KPNA3: variants seen among roughly 807,000 people sequenced by gnomAD.
KPNA3 encodes karyopherin subunit alpha 3, also known as importin subunit alpha-4.
A neutral mutation model predicts 73.8 loss-of-function variants in KPNA3; 13 were observed. The ratio of observed to expected loss-of-function variants is 0.18; its 90% confidence interval spans 0.11 to 0.28. KPNA3 has a LOEUF of 0.28. KPNA3 is among the 10% of genes least tolerant of loss of function. The probability of loss-of-function intolerance (pLI) is 1.00; values close to 1 mark genes in which losing one functional copy is unlikely to be tolerated. For missense variants in KPNA3, 360 were observed against 618.1 expected, an observed-to-expected ratio of 0.58 and a Z score of 4.43; for synonymous variants, 186 against 206.9, an observed-to-expected ratio of 0.90 and a Z score of 0.87.
intron 1 of KPNA3, among the ~76,000 whole-genome samples, chr13:49,762,142 C>G (rs796591565): frequency 2.6e-5 from 3 of 117,536 alleles, no homozygotes; most frequent in African/African-American, 8.2e-5. Context: ...CCTCCCCGTC[C>G]GGGAGGGAGG....
chr13:49,724,016 G>A (rs1954385533), intron 7 of KPNA3, among the ~76,000 whole-genome samples: 1 of 152,094 alleles, frequency 6.6e-6, no homozygotes, highest in African/African-American at 2.4e-5. Context: ...TGCCTATTCT[G>A]GACATTTCAT....
chr13:49,709,752 T>G lies in KPNA3; in HGVS notation c.904-52A>C, dbSNP rs759708087. The G allele has an allele frequency of 7.8e-6, 12 of 1,531,234 alleles. No homozygotes were observed. In the South Asian group the frequency reaches 1.1e-4, roughly 14 times the overall value. The allele number at this position is 1,531,234 out of a possible 1,614,324, so 94.9% of individuals were successfully genotyped here. ...TAAATTTATTTGCTTATAAGACTAA[T>G]TCTATATTTTTCATAATCCTGAGAA... On this transcript the variant is annotated intron_variant, in intron 11 of 16. Coordinates refer to ENST00000261667, the MANE Select transcript of KPNA3 (RefSeq NM_002267.4).
intron 7 of KPNA3, among the ~76,000 whole-genome samples, chr13:49,723,455 AG>A (rs1252114177): frequency 6.6e-6 from 1 of 152,072 alleles, no homozygotes; most frequent in Non-Finnish European, 1.5e-5. Context: ...CTGTAATCCC[AG>A]CTACTTTGGA....
rs1594425934 is a variant in KPNA3, at chr13:49,702,467, A to G, written c.1386T>C (p.Ile462=). Reference sequence around the variant, plus strand: ...CATTTTCATGTTGCTGTAAAACTTCAATTTTCTCCAAACCTGGTAAAAATA... The same window carrying G: ...CATTTTCATGTTGCTGTAAAACTTCGATTTTCTCCAAACCTGGTAAAAATA... ...IIEECGGLEK[I]EVLQQHENED... is the part of the protein sequence containing the mutation. The change falls in exon 16 of 17, where the codon ATT becomes ATC. Residue 462 remains isoleucine, a synonymous_variant. Coordinates refer to ENST00000261667, the MANE Select transcript of KPNA3 (RefSeq NM_002267.4). 1.3e-6 allele frequency: 2 copies of G among 1,529,488 alleles called. No individual in the cohort carries two copies. The highest frequency in any genetic ancestry group is 2.3e-5 in the South Asian group (2 of 86,492). The allele number at this position is 1,529,488 out of a possible 1,614,324, so 94.7% of individuals were successfully genotyped here.
At chr13:49,724,623 G>T (rs1247334893) in intron 7 of KPNA3, among the ~76,000 whole-genome samples, 1 of 151,146 alleles carries the variant, frequency 6.6e-6, no homozygotes, top group East Asian at 2.0e-4. Flanking sequence ...TTTGAGATAG[G>T]GTCTCACTCT....
In KPNA3 at chr13:49,730,519, C is replaced by CAAAAAAAAAAAAAAAAAAAAAAAAAA. The variant is rs55725741; in HGVS notation, c.383+1826_383+1851dup. On this transcript the variant is annotated intron_variant, in intron 6 of 16. Transcript: ENST00000261667. ...TGGGCAACAGAGCGAGACTCTGTCT[C>CAAAAAAAAAAAAAAAAAAAAAAAAAA]AAAAAAAAAAAAAAAAAAAAAAAAA... Among the ~76,000 whole-genome samples, 5 of 27,280 alleles carry CAAAAAAAAAAAAAAAAAAAAAAAAAA rather than the reference C, an allele frequency of 1.8e-4. 1 individual carries two copies. Among genetic ancestry groups the CAAAAAAAAAAAAAAAAAAAAAAAAAA allele is most frequent in the Non-Finnish European group, 2.5e-4 (4 of 15,770 alleles). 17.9% of individuals were successfully genotyped at this position (27,280 alleles called of 152,430 possible).
chr13:49,747,897 C>T (rs550209337), intron 1 of KPNA3, among the ~76,000 whole-genome samples: 220 of 152,208 alleles, frequency 1.4e-3, no homozygotes, highest in African/African-American at 4.7e-3. Flanking sequence ...TCCTTCCCAT[C>T]CTGTAGTCTT....
intron 1 of KPNA3, among the ~76,000 whole-genome samples, chr13:49,774,481 T>C (rs373286291): frequency 6.6e-6 from 1 of 152,184 alleles, no homozygotes; most frequent in South Asian, 2.1e-4. Flanking sequence ...CTCTGCCTTT[T>C]AGACAAGAGA....
At chr13:49,710,212 A>C (rs1954247491) in intron 11 of KPNA3, among the ~76,000 whole-genome samples, 1 of 152,228 alleles carries the variant, frequency 6.6e-6, no homozygotes, top group Non-Finnish European at 1.5e-5. Flanking sequence ...CGGTGAGCAG[A>C]GATCGCGCCA....
chr13:49,786,429 G>T (rs1954983044), intron 1 of KPNA3, among the ~76,000 whole-genome samples: 1 of 152,178 alleles, frequency 6.6e-6, no homozygotes, highest in Admixed American at 6.5e-5. Context: ...AGGAGGAAAA[G>T]AATAGGGACT....
At chr13:49,726,368 G>A (rs1315303147) in intron 6 of KPNA3, among the ~76,000 whole-genome samples, 1 of 152,158 alleles carries the variant, frequency 6.6e-6, no homozygotes, top group Non-Finnish European at 1.5e-5. Flanking sequence ...TTTCAAAGAT[G>A]GATTTAAAAA....
chr13:49,751,569 C>A (rs1954663660), intron 1 of KPNA3, among the ~76,000 whole-genome samples: 1 of 152,148 alleles, frequency 6.6e-6, no homozygotes. Context: ...CCCTGCCCCA[C>A]ACAAAAAATG....
intron 10 of KPNA3, 21 bp from the exon 11 acceptor site, chr13:49,711,043 A>G: frequency 6.3e-7 from 1 of 1,592,768 alleles, no homozygotes; most frequent in Non-Finnish European, 8.5e-7. Flanking sequence ...CACAAAAGAA[A>G]AACCATTTTA....
chr13:49,721,866 A>G, intron 9 of KPNA3, 89 bp downstream of exon 9: 2 of 814,768 alleles, frequency 2.5e-6, no homozygotes, highest in Non-Finnish European at 3.7e-6. Flanking sequence ...TGAAATCAGT[A>G]TATGTATTAT....
At chr13:49,785,632 T>C (rs961110904) in intron 1 of KPNA3, among the ~76,000 whole-genome samples, 1 of 151,974 alleles carries the variant, frequency 6.6e-6, no homozygotes, top group African/African-American at 2.4e-5. Context: ...AAAAGAATCG[T>C]AGACAGAATC....
At position 49,792,572 on chromosome 13, in the gene KPNA3, G is replaced by C. The variant is rs1313427228; in HGVS notation, c.-66C>G. ...GGCGGCGGCGGCGGCGAATCTTGGAGCGGGAGGGGGAGGAGGGGGAGAGCG... is the reference window on the plus strand; with the variant it reads ...GGCGGCGGCGGCGGCGAATCTTGGACCGGGAGGGGGAGGAGGGGGAGAGCG... On this transcript the variant is annotated 5_prime_UTR_variant, in exon 1 of 17. Transcript: ENST00000261667. The C allele has an allele frequency of 3.0e-6, 3 of 1,005,500 alleles. No individual in the cohort carries two copies. In the African/African-American group the frequency reaches 5.4e-5, roughly 18 times the overall value. The allele number at this position is 1,005,500 out of a possible 1,614,324, so 62.3% of individuals were successfully genotyped here.
intron 1 of KPNA3, among the ~76,000 whole-genome samples, chr13:49,753,608 T>A (rs1309865759): frequency 6.6e-6 from 1 of 152,240 alleles, no homozygotes; most frequent in Non-Finnish European, 1.5e-5. Flanking sequence ...GGCCGTGAAC[T>A]GGTGCCAGTC....
At position 49,792,667 on chromosome 13, in the gene KPNA3, G is replaced by A. The variant is rs777436194; in HGVS notation, c.-161C>T. On this transcript the variant is annotated 5_prime_UTR_variant, in exon 1 of 17. Transcript: ENST00000261667. ...GCGCGAGGTGGCAGTAGCGCCGGGGGAGGCGCGGGCCGACTGCCGGGCCGG... is the reference window on the plus strand; with the variant it reads ...GCGCGAGGTGGCAGTAGCGCCGGGGAAGGCGCGGGCCGACTGCCGGGCCGG... 13 of 514,148 alleles carry A rather than the reference G, an allele frequency of 2.5e-5. No individual in the cohort carries two copies. Among genetic ancestry groups the A allele is most frequent in the Non-Finnish European group, 4.0e-5 (12 of 296,632 alleles). 31.8% of individuals were successfully genotyped at this position (514,148 alleles called of 1,614,324 possible).
At chr13:49,729,138 A>C (rs78205594) in intron 6 of KPNA3, among the ~76,000 whole-genome samples, 4,135 of 152,230 alleles carry the variant, frequency 0.027, 191 homozygotes, top group African/African-American at 0.094. Flanking sequence ...ATTATCTTTC[A>C]TATATTTTAT....
Sources: allele counts gnomAD v4.1 joint callset (sites outside exome capture counted in the v4.1 genomes callset), GRCh38; gene constraint gnomAD v4.1.1; transcripts MANE v1.5; gene names NCBI Gene and HGNC (gene_info 2026-07-23, HGNC 2026-07-21).